Variants in PSMB3 observed in about 807,000 individuals in gnomAD.
The protein encoded by PSMB3 is proteasome 20S subunit beta 3, also known as proteasome subunit beta type-3.
PSMB3 carries 5 observed loss-of-function variants against 23.3 expected under a neutral mutation model. That is an observed-to-expected ratio of 0.21 (90% confidence interval 0.11 to 0.45). PSMB3 has a LOEUF of 0.45. PSMB3 is among the 20% of genes least tolerant of loss of function. The pLI is 0.99. For synonymous variants in PSMB3, 85 were observed against 99.8 expected (o/e 0.85, Z 0.88); for missense variants, 192 against 277.9 (o/e 0.69, Z 2.20).
intron 2 of PSMB3, among the ~76,000 whole-genome samples, 156 bp downstream of exon 2, chr17:38,753,490 T>C (rs1038498186): frequency 6.6e-6 from 1 of 152,062 alleles, no homozygotes; most frequent in Non-Finnish European, 1.5e-5. Context: ...TTTCTTTTTT[T>C]TTTTTTTAGA....
chr17:38,762,616 A>G (rs1373302365), intron 5 of PSMB3, 111 bp downstream of exon 5: 32 of 1,057,848 alleles, frequency 3.0e-5, no homozygotes, highest in Non-Finnish European at 4.4e-5. Context: ...GTGAGATAAG[A>G]AAGGTGCTTT....
chr17:38,752,864 A>G lies in PSMB3; in HGVS notation c.3+35A>G. 1 of 1,613,344 alleles carries G rather than the reference A, an allele frequency of 6.2e-7. No homozygotes were observed. Among genetic ancestry groups the G allele is most frequent in the Non-Finnish European group, 8.5e-7 (1 of 1,179,692 alleles). On this transcript the variant is annotated intron_variant, in intron 1 of 5. Coordinates refer to ENST00000619426, the MANE Select transcript of PSMB3 (RefSeq NM_002795.4). The surrounding 1 kb of genome is among the most constrained non-coding windows in gnomAD (Gnocchi z 5.5). ...GGAGTTAAAGCAAAGGGGCATGGGGAAGGATTGAGAAGCGGAGGGGGTCAG... is the reference window on the plus strand; with the variant it reads ...GGAGTTAAAGCAAAGGGGCATGGGGGAGGATTGAGAAGCGGAGGGGGTCAG...
At chr17:38,755,660 ATATATATATATAT>A (rs1266609604) in intron 2 of PSMB3, among the ~76,000 whole-genome samples, 1 of 101,858 alleles carries the variant, frequency 9.8e-6, no homozygotes, top group African/African-American at 4.4e-5. Context: ...AAAAAAAAAA[ATATATATATATAT>A]ATATATATAT....
intron 2 of PSMB3, among the ~76,000 whole-genome samples, 187 bp from the exon 3 acceptor site, chr17:38,755,678 ATATATGTGTGTGTGTGTG>A (rs1908154359): frequency 1.9e-5 from 2 of 107,094 alleles, no homozygotes; most frequent in South Asian, 3.3e-4. Flanking sequence ...ATATATATAT[ATATATGTGTGTGTGTGTG>A]TGTGTGTGTG....
Position 38,752,792 on chromosome 17 carries a change from C to G in PSMB3, c.-35C>G. 1.2e-6 allele frequency: 2 copies of G among 1,613,958 alleles called. No individual in the cohort carries two copies. Among genetic ancestry groups the G allele is most frequent in the South Asian group, 2.2e-5 (2 of 91,074 alleles). On this transcript the variant is annotated 5_prime_UTR_variant, in exon 1 of 6. Transcript: ENST00000619426. This position sits in a 1 kb window ranked among gnomAD's most constrained non-coding sequence, Gnocchi z 5.5. ...GGCTAGACCCGGTTTACTGGAATTG[C>G]TCTGGCGATCGAGGGATCCTAGTAC...
chr17:38,763,351 C>T (rs1230460411), intron 5 of PSMB3, among the ~76,000 whole-genome samples: 1 of 151,406 alleles, frequency 6.6e-6, no homozygotes, highest in Non-Finnish European at 1.5e-5. Flanking sequence ...GAGACTCTGT[C>T]TCAAAAAAAA....
At position 38,753,415 on chromosome 17, in the gene PSMB3, A is replaced by G. The variant is rs910744690; in HGVS notation, c.188+81A>G. 12 of 1,421,918 alleles carry G rather than the reference A, an allele frequency of 8.4e-6. No homozygotes were observed. The Admixed American group carries it at 2.6e-4, about 31-fold the overall frequency. The allele number at this position is 1,421,918 out of a possible 1,614,324, so 88.1% of individuals were successfully genotyped here. On this transcript the variant is annotated intron_variant, in intron 2 of 5. Transcript: ENST00000619426. ...CGGCGTCTTGACCGGCCAAGGTGTC[A>G]GTCATCTACCACACACCACCAGTGA... is the stretch of plus-strand genomic sequence containing the variant.
At chr17:38,755,663 T>C (rs56317692) in intron 2 of PSMB3, among the ~76,000 whole-genome samples, 1 of 95,174 alleles carries the variant, frequency 1.1e-5, no homozygotes, top group Non-Finnish European at 2.0e-5. Flanking sequence ...AAAAAAAATA[T>C]ATATATATAT....
At chr17:38,759,903 T>C (rs1194094928) in intron 3 of PSMB3, among the ~76,000 whole-genome samples, 1 of 152,186 alleles carries the variant, frequency 6.6e-6, no homozygotes, top group Non-Finnish European at 1.5e-5. Flanking sequence ...TGAGCTGCCA[T>C]TTCCTTTTGA....
chr17:38,755,772 C>T, intron 2 of PSMB3, 111 bp from the exon 3 acceptor site: 2 of 795,156 alleles, frequency 2.5e-6, no homozygotes, highest in East Asian at 3.1e-5. Context: ...TACAGTTTTC[C>T]CTGGGCAGGG....
At chr17:38,763,215 G>A (rs1475761940) in intron 5 of PSMB3, among the ~76,000 whole-genome samples, 4 of 151,970 alleles carry the variant, frequency 2.6e-5, no homozygotes, top group Non-Finnish European at 5.9e-5. Context: ...TTAGCCAGAC[G>A]TGGTGTCACG....
At chr17:38,756,142 C>T in intron 3 of PSMB3, 152 bp downstream of exon 3, 1 of 660,566 alleles carries the variant, frequency 1.5e-6, no homozygotes, top group Non-Finnish European at 2.6e-6. Flanking sequence ...TTGGGCCTGT[C>T]TGGCAACCAG....
intron 3 of PSMB3, among the ~76,000 whole-genome samples, chr17:38,757,794 T>A (rs1463898958): frequency 1.3e-5 from 2 of 152,074 alleles, no homozygotes; most frequent in Non-Finnish European, 2.9e-5. Context: ...TAGCTGGGAT[T>A]ATAGGCGCCT....
At chr17:38,753,903 T>C (rs971506693) in intron 2 of PSMB3, among the ~76,000 whole-genome samples, 1 of 152,190 alleles carries the variant, frequency 6.6e-6, no homozygotes, top group African/African-American at 2.4e-5. Flanking sequence ...GCCAAATCTA[T>C]GGGAGCAGAT....
At chr17:38,763,748 G>C (rs535943818) in intron 5 of PSMB3, among the ~76,000 whole-genome samples, 5 of 152,186 alleles carry the variant, frequency 3.3e-5, no homozygotes, top group Admixed American at 2.6e-4. Flanking sequence ...TGATCCGCCT[G>C]CCTCAGGCCT....
At chr17:38,756,438 C>G (rs1437563392) in intron 3 of PSMB3, among the ~76,000 whole-genome samples, 1 of 152,076 alleles carries the variant, frequency 6.6e-6, no homozygotes, top group Non-Finnish European at 1.5e-5. Flanking sequence ...GAAAGGAAAC[C>G]CTGTGGGTGC....
intron 3 of PSMB3, among the ~76,000 whole-genome samples, chr17:38,759,939 T>C (rs1329396515): frequency 2.0e-5 from 3 of 152,214 alleles, no homozygotes; most frequent in African/African-American, 4.8e-5. Flanking sequence ...AGCCACTGAG[T>C]ATCCCTCTTT....
chr17:38,761,358 AAAAAAAAAGTGGTGCTGAGG>A lies in PSMB3; in HGVS notation c.474+755_474+774del, dbSNP rs1240876646. ...AGCTAAACTCCGTCTCAAAAAAAAA[AAAAAAAAAGTGGTGCTGAGG>A]AAAACAAATGAGTATATGTGCTGCC... is the stretch of plus-strand genomic sequence containing the variant. On this transcript the variant is annotated intron_variant, in intron 4 of 5. Coordinates refer to ENST00000619426, the MANE Select transcript of PSMB3 (RefSeq NM_002795.4). 3.3e-5 allele frequency among the ~76,000 whole-genome samples: 5 copies of A among 151,762 alleles called. No homozygotes were observed. The East Asian group carries it at 7.8e-4, about 24-fold the overall frequency.
chr17:38,762,593 C>T, intron 5 of PSMB3, 88 bp downstream of exon 5: 1 of 1,297,064 alleles, frequency 7.7e-7, no homozygotes. Context: ...TTTTCCCAGC[C>T]CCCTGGTCAG....
Sources: gnomAD v4.1 joint callset for allele counts (sites outside exome capture counted in the v4.1 genomes callset) on GRCh38, gnomAD v4.1.1 for gene constraint, Gnocchi (gnomAD v3.1) non-coding constraint, MANE v1.5 for transcripts, NCBI Gene and HGNC (gene_info 2026-07-23, HGNC 2026-07-21) for gene names.